The following RAPGEF1 variants were observed in gnomAD, a reference collection of about 807,000 sequenced individuals.
RAPGEF1 encodes the protein CRK SH3-binding GNRP.
A neutral mutation model predicts 143.3 loss-of-function variants in RAPGEF1; 33 were observed. The observed-to-expected ratio is 0.23, with a 90% CI of 0.17 to 0.31. The LOEUF (loss-of-function observed/expected upper bound fraction) is 0.31, where lower values mean the gene tolerates loss of function less well. Among genes scored for constraint, RAPGEF1 ranks in the 10% least tolerant of loss-of-function variants. The pLI is 1.00. For missense variants in RAPGEF1, 1,199 were observed against 1,645.4 expected (o/e 0.73, Z 4.69); for synonymous variants, 629 against 676.5 (o/e 0.93, Z 1.09).
At chr9:131,607,364 A>C (rs553872531) in intron 12 of RAPGEF1, among the ~76,000 whole-genome samples, 1 of 152,224 alleles carries the variant, frequency 6.6e-6, no homozygotes, top group South Asian at 2.1e-4. Context: ...GCAACACTTC[A>C]ACGTTTCACA....
rs142286359 is a variant in RAPGEF1, at chr9:131,653,777, T to C, written c.62-2828A>G. 4.0e-4 allele frequency among the ~76,000 whole-genome samples: 61 copies of C among 152,306 alleles called. 3 individuals carry two copies. In the East Asian group the frequency reaches 5.6e-3, roughly 14 times the overall value. On this transcript the variant is annotated intron_variant, in intron 1 of 26. Transcript: ENST00000683357. Reference sequence around the variant, plus strand: ...CCAGAAATTCCACTCCTGGGCAGATTTGCAAGAGAAATGAAAGCCTAAATC... The same window carrying C: ...CCAGAAATTCCACTCCTGGGCAGATCTGCAAGAGAAATGAAAGCCTAAATC...
At chr9:131,637,033 C>T (rs1179577487) in intron 5 of RAPGEF1, among the ~76,000 whole-genome samples, 1 of 152,082 alleles carries the variant, frequency 6.6e-6, no homozygotes, top group Non-Finnish European at 1.5e-5. Flanking sequence ...CGAGACCAGC[C>T]TGGCCAACAT....
chr9:131,637,981 C>A (rs562242058), intron 5 of RAPGEF1, among the ~76,000 whole-genome samples: 2 of 152,346 alleles, frequency 1.3e-5, no homozygotes, highest in South Asian at 4.1e-4. Context: ...CTGCCTGCAG[C>A]CCTGGCCCTG....
intron 1 of RAPGEF1, among the ~76,000 whole-genome samples, chr9:131,669,553 T>C (rs533755544): frequency 3.4e-4 from 52 of 152,164 alleles, no homozygotes; most frequent in Non-Finnish European, 6.2e-4. Flanking sequence ...CAGGCCCCCC[T>C]GCCCCTGAAC....
chr9:131,706,034 C>T (rs1835027091), intron 1 of RAPGEF1, among the ~76,000 whole-genome samples: 2 of 152,186 alleles, frequency 1.3e-5, no homozygotes, highest in African/African-American at 4.8e-5. Context: ...CTCCAGAGCT[C>T]CTAACACAGG....
intron 1 of RAPGEF1, among the ~76,000 whole-genome samples, chr9:131,734,220 C>T (rs1437805035): frequency 2.0e-5 from 3 of 152,142 alleles, no homozygotes; most frequent in Admixed American, 1.3e-4. Flanking sequence ...GAAAGGGGGC[C>T]GGTTCCCCAT....
intron 17 of RAPGEF1, among the ~76,000 whole-genome samples, chr9:131,594,729 G>A (rs1242684584): frequency 7.2e-5 from 11 of 152,192 alleles, no homozygotes; most frequent in Non-Finnish European, 2.9e-5. Flanking sequence ...ATCAGGCAAA[G>A]CTCCCACCGG....
chr9:131,597,159 C>A (rs12555603), intron 16 of RAPGEF1, among the ~76,000 whole-genome samples: 5,261 of 152,294 alleles, frequency 0.035, 156 homozygotes, highest in Non-Finnish European at 0.045. Context: ...GCTGGAGGGA[C>A]GGAACCAGCC....
chr9:131,627,987 T>C lies in RAPGEF1; in HGVS notation c.1127A>G (p.Lys376Arg), dbSNP rs777015030. Residue 376 changes from lysine to arginine, a missense_variant, in exon 9 of 27, where the codon AAG (lysine) becomes AGG (arginine). Physicochemically the swap from Lys to Arg is conservative, Grantham distance 26. Around this residue, in one of 6 missense-constraint regions of RAPGEF1, gnomAD observed 613 missense variants for 710.9 expected, o/e 0.86. Coordinates refer to ENST00000683357, the MANE Select transcript of RAPGEF1 (RefSeq NM_001377935.1). ...SPCSSIGKLS[K>R]SDEQLSSLDR... ...CAGAGAGGACAGCTGCTCGTCTGAC[T>C]TGCTGAGCTTGCCTATGCTGCTGCA... The C allele has an allele frequency of 4.4e-6, 7 of 1,593,394 alleles. No homozygotes were observed. The highest frequency in any genetic ancestry group is 6.0e-6 in the Non-Finnish European group (7 of 1,170,088).
At chr9:131,619,652 G>A (rs569590170) in intron 11 of RAPGEF1, among the ~76,000 whole-genome samples, 12 of 152,298 alleles carry the variant, frequency 7.9e-5, no homozygotes, top group African/African-American at 2.2e-4. Flanking sequence ...AAAGGTCTCC[G>A]TGCCTCAGGT....
intron 12 of RAPGEF1, among the ~76,000 whole-genome samples, chr9:131,605,899 C>T (rs918352115): frequency 6.6e-6 from 1 of 151,978 alleles, no homozygotes; most frequent in Non-Finnish European, 1.5e-5. Context: ...CATGGCAAAA[C>T]CCCATCTCTA....
At chr9:131,728,405 C>A (rs998649322) in intron 1 of RAPGEF1, among the ~76,000 whole-genome samples, 3 of 152,136 alleles carry the variant, frequency 2.0e-5, no homozygotes, top group Non-Finnish European at 4.4e-5. Flanking sequence ...TCCCTTGAGA[C>A]AGGGCAAAAA....
At chr9:131,642,945 C>A (rs189051264) in intron 4 of RAPGEF1, among the ~76,000 whole-genome samples, 5 of 152,262 alleles carry the variant, frequency 3.3e-5, no homozygotes, top group Admixed American at 2.6e-4. Context: ...GCTCCATGTC[C>A]GGGAGGCGTC....
At chr9:131,730,054 C>T (rs1045204587) in intron 1 of RAPGEF1, among the ~76,000 whole-genome samples, 3 of 151,698 alleles carry the variant, frequency 2.0e-5, no homozygotes, top group African/African-American at 7.3e-5. Context: ...ATTAGCCAGG[C>T]GAAGTGGTGG....
intron 1 of RAPGEF1, among the ~76,000 whole-genome samples, chr9:131,698,217 AC>A (rs1395801583): frequency 6.6e-6 from 1 of 152,228 alleles, no homozygotes; most frequent in Non-Finnish European, 1.5e-5. Flanking sequence ...ATCATCATCC[AC>A]AAAAATATTA....
intron 1 of RAPGEF1, among the ~76,000 whole-genome samples, chr9:131,658,936 A>T (rs965121332): frequency 6.6e-6 from 1 of 152,166 alleles, no homozygotes; most frequent in African/African-American, 2.4e-5. Flanking sequence ...TTCTGTCTCA[A>T]CTTAATCTCT....
rs1951503914 is a variant in RAPGEF1 at position 131,579,261 on chromosome 9, G to A, written c.*236C>T. ...CCAGAAAACCACCGGTTTGTAAATT[G>A]GCAACAAGACCTGCCTGCTGGCTGC... On this transcript the variant is annotated 3_prime_UTR_variant, in exon 27 of 27. Transcript: ENST00000683357. 5.7e-6 allele frequency: 3 copies of A among 525,752 alleles called. No individual in the cohort carries two copies. Among genetic ancestry groups the A allele is most frequent in the Admixed American group, 3.5e-5 (1 of 28,314 alleles). The allele number at this position is 525,752 out of a possible 1,614,324, so 32.6% of individuals were successfully genotyped here.
At chr9:131,594,203 CT>C (rs1954849372) in intron 17 of RAPGEF1, among the ~76,000 whole-genome samples, 1 of 152,220 alleles carries the variant, frequency 6.6e-6, no homozygotes, top group Non-Finnish European at 1.5e-5. Flanking sequence ...TGTGCCACCC[CT>C]CTAGAGATCA....
chr9:131,649,327 T>C (rs1405069142), intron 3 of RAPGEF1, among the ~76,000 whole-genome samples: 1 of 151,324 alleles, frequency 6.6e-6, no homozygotes, highest in Non-Finnish European at 1.5e-5. Context: ...AGTGCTGGGA[T>C]TATAGGCGTG....
Sources: gnomAD v4.1 joint callset for allele counts (sites outside exome capture counted in the v4.1 genomes callset) on GRCh38, gnomAD v4.1.1 for gene constraint, gnomAD v4.1.1 regional missense constraint, MANE v1.5 for transcripts, NCBI Gene and HGNC (gene_info 2026-07-23, HGNC 2026-07-21) for gene names.